The following SORL1 variants were observed in gnomAD, a reference collection of about 807,000 sequenced individuals.
The protein encoded by SORL1 is sortilin related receptor 1, also known as sortilin-related receptor.
SORL1 carries 127 observed loss-of-function variants against 273.7 expected under a neutral mutation model. That is an observed-to-expected ratio of 0.46 (90% CI 0.40 to 0.54). The LOEUF (loss-of-function observed/expected upper bound fraction) is 0.54, where lower values mean the gene tolerates loss of function less well. SORL1 is among the 20% of genes least tolerant of loss of function. The probability of loss-of-function intolerance (pLI) is 0.00; values close to 1 mark genes in which losing one functional copy is unlikely to be tolerated. For synonymous variants in SORL1, 1,031 were observed against 1,067.4 expected (o/e 0.97, Z 0.66); for missense variants, 2,494 against 2,846.1 (o/e 0.88, Z 2.81).
At chr11:121,497,847 A>T (rs1861654398) in intron 6 of SORL1, among the ~76,000 whole-genome samples, 1 of 152,152 alleles carries the variant, frequency 6.6e-6, no homozygotes. Context: ...GCTAACTGGG[A>T]GGTTACTCTG....
chr11:121,622,291 A>G (rs199994434), intron 45 of SORL1, 23 bp downstream of exon 45: 4 of 1,407,826 alleles, frequency 2.8e-6, no homozygotes, highest in East Asian at 2.3e-5. Flanking sequence ...CTCATTCTCA[A>G]TGACTTTGGA....
chr11:121,567,151 C>G, intron 22 of SORL1, 38 bp downstream of exon 22: 3 of 1,550,042 alleles, frequency 1.9e-6, no homozygotes, highest in African/African-American at 1.4e-5. Context: ...CATCCTCCTT[C>G]CTTTGTTTCC....
chr11:121,542,909 G>A (rs1862367907), intron 12 of SORL1, among the ~76,000 whole-genome samples: 1 of 151,154 alleles, frequency 6.6e-6, no homozygotes, highest in South Asian at 2.1e-4. Context: ...CAGACACGGT[G>A]GCTCATGACT....
rs145948386 is a variant in SORL1, at chr11:121,550,258, A to G, written c.2180+170A>G. On this transcript the variant is annotated intron_variant, in intron 15 of 47. Coordinates refer to ENST00000260197, the MANE Select transcript of SORL1 (RefSeq NM_003105.6). This position sits in a 1 kb window ranked among gnomAD's most constrained non-coding sequence, Gnocchi z 5.3. ...AATTATGGTATTTGTAAACTCTCCT[A>G]CCTCCACATTGCAAGTCTGTAAGCA... Among the ~76,000 whole-genome samples the G allele has an allele frequency of 2.7e-3, 415 of 152,290 alleles. No individual in the cohort carries two copies. The highest frequency in any genetic ancestry group is 0.014 in the Middle Eastern group (4 of 292).
At chr11:121,522,754 C>G (rs1862060009) in intron 10 of SORL1, 51 bp downstream of exon 10, 4 of 1,476,644 alleles carry the variant, frequency 2.7e-6, no homozygotes, top group Non-Finnish European at 3.8e-6. Flanking sequence ...TGGTGATGTG[C>G]AGGCCAAATG....
chr11:121,527,414 G>A (rs765665534), intron 11 of SORL1, among the ~76,000 whole-genome samples: 1 of 151,898 alleles, frequency 6.6e-6, no homozygotes, highest in South Asian at 2.1e-4. Flanking sequence ...TTTTGTTAAA[G>A]ATTTTTGCAT....
At chr11:121,619,621 A>C in intron 42 of SORL1, 132 bp from the exon 43 acceptor site, 1 of 773,898 alleles carries the variant, frequency 1.3e-6, no homozygotes, top group Non-Finnish European at 2.1e-6. Context: ...GTGGGAAATT[A>C]TTTTATATTT....
chr11:121,501,321 A>G (rs1037101772), intron 6 of SORL1, among the ~76,000 whole-genome samples: 1 of 152,192 alleles, frequency 6.6e-6, no homozygotes, highest in Non-Finnish European at 1.5e-5. Flanking sequence ...TCATTACCTA[A>G]TTCCAAATAT....
chr11:121,550,533 T>G lies in SORL1; in HGVS notation c.2181-52T>G, dbSNP rs941036560. The G allele has an allele frequency of 5.2e-6, 8 of 1,530,198 alleles. No individual in the cohort carries two copies. The highest frequency in any genetic ancestry group is 1.7e-4 in the Middle Eastern group (1 of 5,916). 94.8% of individuals were successfully genotyped at this position (1,530,198 alleles called of 1,614,324 possible). A position where few individuals can be genotyped will look rare whatever the true frequency, so the allele number is the denominator to read the frequency against. On this transcript the variant is annotated intron_variant, in intron 15 of 47. Coordinates refer to ENST00000260197, the MANE Select transcript of SORL1 (RefSeq NM_003105.6). This position sits in a 1 kb window ranked among gnomAD's most constrained non-coding sequence, Gnocchi z 5.3. ...AGTGTATTCCCAGCTGGGATGCCTT[T>G]GTGGCTATTCTTCCATGTTTCTGAC...
intron 35 of SORL1, 57 bp downstream of exon 35, chr11:121,605,628 AG>A (rs762292727): frequency 4.5e-5 from 64 of 1,429,598 alleles, no homozygotes; most frequent in Non-Finnish European, 6.0e-5. Flanking sequence ...GGGGTTTGTG[AG>A]GGTCTTTCTG....
chr11:121,586,569 A>G (rs1161827666), intron 27 of SORL1, among the ~76,000 whole-genome samples: 1 of 152,024 alleles, frequency 6.6e-6, no homozygotes. Context: ...GATTAGATCG[A>G]ACTTCAGTGA....
At chr11:121,496,841 TAAC>T (rs759058066) in intron 5 of SORL1, 25 bp from the exon 6 acceptor site, 17 of 1,576,088 alleles carry the variant, frequency 1.1e-5, no homozygotes, top group Admixed American at 5.7e-5. Flanking sequence ...GTGCAAATGA[TAAC>T]AACCTTTTTT....
At chr11:121,602,846 T>C (rs1863414386) in intron 32 of SORL1, among the ~76,000 whole-genome samples, 1 of 152,242 alleles carries the variant, frequency 6.6e-6, no homozygotes, top group African/African-American at 2.4e-5. Context: ...ATAGTTAGCT[T>C]GGCCTACGTG....
At chr11:121,566,079 G>GTTC (rs1862749792) in intron 21 of SORL1, among the ~76,000 whole-genome samples, 1 of 152,112 alleles carries the variant, frequency 6.6e-6, no homozygotes, top group South Asian at 2.1e-4. Flanking sequence ...CCAGGTGTAT[G>GTTC]TTCTAATTAA....
chr11:121,608,200 A>T, intron 38 of SORL1, 24 bp downstream of exon 38: 1 of 1,577,566 alleles, frequency 6.3e-7, no homozygotes, highest in South Asian at 1.1e-5. Context: ...GCATTTGCAG[A>T]TTTAGAGAAA....
intron 40 of SORL1, 63 bp downstream of exon 40, chr11:121,612,895 C>A: frequency 1.7e-6 from 2 of 1,177,496 alleles, no homozygotes; most frequent in Non-Finnish European, 2.5e-6. Context: ...AATGCTTTCC[C>A]GCTGTAGAGC....
chr11:121,589,897 G>T, intron 29 of SORL1, 143 bp from the exon 30 acceptor site: 1 of 914,066 alleles, frequency 1.1e-6, no homozygotes, highest in Non-Finnish European at 1.7e-6. Flanking sequence ...TCCCCATTGG[G>T]TCCATGAAGC....
chr11:121,495,184 A>G (rs749212232), intron 5 of SORL1, among the ~76,000 whole-genome samples: 2 of 152,156 alleles, frequency 1.3e-5, no homozygotes, highest in African/African-American at 4.8e-5. Flanking sequence ...CCAGGCTTCA[A>G]TCCACCCACC....
rs1565346900 is a variant in SORL1 at position 121,590,029 on chromosome 11, G to A, written c.4079-11G>A. 6.2e-7 allele frequency: 1 copy of A among 1,613,660 alleles called. No individual in the cohort carries two copies. The highest frequency in any genetic ancestry group is 1.7e-5 in the Admixed American group (1 of 59,990). Reference sequence around the variant, plus strand: ...AGGGAAAGCAACTGATGATGTGGTTGATCTCTGCAGAAAACCCCACAGAAG... The same window carrying A: ...AGGGAAAGCAACTGATGATGTGGTTAATCTCTGCAGAAAACCCCACAGAAG... On this transcript the variant is annotated splice_polypyrimidine_tract_variant and intron_variant, in intron 29 of 47. Coordinates refer to ENST00000260197, the MANE Select transcript of SORL1 (RefSeq NM_003105.6).
Sources: allele counts gnomAD v4.1 joint callset (sites outside exome capture counted in the v4.1 genomes callset), GRCh38; gene constraint gnomAD v4.1.1; non-coding constraint Gnocchi (gnomAD v3.1); transcripts MANE v1.5; gene names NCBI Gene and HGNC (gene_info 2026-07-23, HGNC 2026-07-21).